NECAB1: variants seen among roughly 807,000 people sequenced by gnomAD.
NECAB1 encodes the protein N-terminal EF-hand calcium-binding protein 1.
A neutral mutation model predicts 57.5 loss-of-function variants in NECAB1; 29 were observed. The observed-to-expected ratio is 0.50, with a 90% CI of 0.38 to 0.69. NECAB1 has a LOEUF of 0.69. NECAB1 is among the 30% of genes least tolerant of loss of function. The probability of loss-of-function intolerance (pLI) is 0.00; values close to 1 mark genes in which losing one functional copy is unlikely to be tolerated. For missense variants in NECAB1, 372 were observed against 413.8 expected, an observed-to-expected ratio of 0.90 and a Z score of 0.88; for synonymous variants, 142 against 147.7, an observed-to-expected ratio of 0.96 and a Z score of 0.28.
intron 3 of NECAB1, among the ~76,000 whole-genome samples, chr8:90,860,314 C>T (rs566474206): frequency 2.7e-5 from 4 of 149,386 alleles, no homozygotes; most frequent in Admixed American, 6.7e-5. Context: ...AATGACTCAT[C>T]GCTATTCCTG....
intron 3 of NECAB1, among the ~76,000 whole-genome samples, chr8:90,853,974 G>A (rs753843188): frequency 3.9e-5 from 6 of 152,130 alleles, no homozygotes; most frequent in Admixed American, 6.5e-5. Context: ...GAAGCAGATC[G>A]TTGGTTAGGC....
chr8:90,850,909 G>A (rs913300295), intron 3 of NECAB1, among the ~76,000 whole-genome samples: 1 of 152,166 alleles, frequency 6.6e-6, no homozygotes, highest in African/African-American at 2.4e-5. Flanking sequence ...CTAATAAGGT[G>A]AGTCTTGAAG....
chr8:90,912,657 G>A (rs976330832), intron 5 of NECAB1, among the ~76,000 whole-genome samples: 1 of 151,784 alleles, frequency 6.6e-6, no homozygotes, highest in South Asian at 2.1e-4. Flanking sequence ...CCATTATTAG[G>A]ACAAGTAAGA....
intron 3 of NECAB1, chr8:90,859,201 T>G (rs1452833615): frequency 6.6e-6 from 1 of 152,152 alleles, no homozygotes. Context: ...CTGGGAGGGT[T>G]TCCAGATCTC....
chr8:90,873,525 A>G (rs1808658206), intron 4 of NECAB1, among the ~76,000 whole-genome samples: 1 of 152,216 alleles, frequency 6.6e-6, no homozygotes, highest in Admixed American at 6.5e-5. Context: ...GGAGAACACA[A>G]GATTATCTTG....
intron 5 of NECAB1, among the ~76,000 whole-genome samples, chr8:90,896,662 A>G (rs1387673393): frequency 6.6e-6 from 1 of 152,174 alleles, no homozygotes; most frequent in Admixed American, 6.5e-5. Context: ...ATACGTCAGT[A>G]TGTTCAATTC....
chr8:90,850,830 G>A (rs1282143801), intron 3 of NECAB1, among the ~76,000 whole-genome samples: 1 of 152,204 alleles, frequency 6.6e-6, no homozygotes, highest in Non-Finnish European at 1.5e-5. Context: ...AATTTCCTGA[G>A]TGTTAGGGAT....
intron 3 of NECAB1, among the ~76,000 whole-genome samples, chr8:90,844,510 T>A (rs961988987): frequency 6.6e-6 from 1 of 152,180 alleles, no homozygotes; most frequent in African/African-American, 2.4e-5. Context: ...AAGAGAGCAT[T>A]CTTTCTATCT....
At chr8:90,800,279 A>G (rs368877495) in intron 1 of NECAB1, among the ~76,000 whole-genome samples, 66 of 152,286 alleles carry the variant, frequency 4.3e-4, no homozygotes, top group African/African-American at 1.4e-3. Flanking sequence ...TTATTTTGCT[A>G]TTTGGATGCC....
chr8:90,795,708 TCACACACA>T (rs59863984), intron 1 of NECAB1, among the ~76,000 whole-genome samples: 5 of 147,758 alleles, frequency 3.4e-5, no homozygotes, highest in African/African-American at 7.4e-5. Context: ...CTCATCTCTC[TCACACACA>T]CACACACACA....
At chr8:90,932,205 G>C (rs1302537059) in intron 8 of NECAB1, among the ~76,000 whole-genome samples, 2 of 152,158 alleles carry the variant, frequency 1.3e-5, no homozygotes, top group East Asian at 1.9e-4. Flanking sequence ...GTTTCTATCT[G>C]TGGAGTACTT....
At chr8:90,837,059 T>C (rs1812380700) in intron 3 of NECAB1, among the ~76,000 whole-genome samples, 1 of 152,242 alleles carries the variant, frequency 6.6e-6, no homozygotes, top group South Asian at 2.1e-4. Context: ...CACATTTAAG[T>C]CATCATTTTT....
intron 9 of NECAB1, among the ~76,000 whole-genome samples, chr8:90,936,034 AGAT>A (rs1489733576): frequency 6.6e-6 from 1 of 152,166 alleles, no homozygotes; most frequent in African/African-American, 2.4e-5. Context: ...AGTAACAATA[AGAT>A]ATTTGTCATT....
In NECAB1 at chr8:90,917,515, G is replaced by A; in HGVS notation, c.381G>A (p.Leu127=). 1 of 1,609,548 alleles carries A rather than the reference G, an allele frequency of 6.2e-7. No individual in the cohort carries two copies. The highest frequency in any genetic ancestry group is 8.5e-7 in the Non-Finnish European group (1 of 1,177,376). ...TKKDYQEASN[L]EQFVTRFLLK... ...AGGACTACCAAGAAGCCTCCAATTT[G>A]GAACAATTCGTAACTAGATTTTTAT... The change falls in exon 6 of 13, where the codon TTG becomes TTA. Residue 127 remains leucine, a synonymous_variant. Coordinates refer to ENST00000417640, the MANE Select transcript of NECAB1 (RefSeq NM_022351.5).
chr8:90,796,149 T>C (rs1055688869), intron 1 of NECAB1, among the ~76,000 whole-genome samples: 5 of 152,210 alleles, frequency 3.3e-5, no homozygotes, highest in African/African-American at 9.7e-5. Flanking sequence ...CTTCCCCTTA[T>C]CCAGTTTCAG....
chr8:90,868,558 C>T (rs1159561164), intron 3 of NECAB1, among the ~76,000 whole-genome samples: 1 of 152,174 alleles, frequency 6.6e-6, no homozygotes, highest in Non-Finnish European at 1.5e-5. Context: ...CATTGTGCCC[C>T]TGTTCTAAGG....
chr8:90,949,469 C>T (rs557904087), intron 10 of NECAB1, among the ~76,000 whole-genome samples: 6 of 152,166 alleles, frequency 3.9e-5, no homozygotes, highest in Admixed American at 2.6e-4. Flanking sequence ...TTTTTCTGGT[C>T]CTAGCACAAC....
At chr8:90,940,609 T>C in intron 9 of NECAB1, 177 bp from the exon 10 acceptor site, 1 of 537,840 alleles carries the variant, frequency 1.9e-6, no homozygotes. Flanking sequence ...GAAAATATCT[T>C]GCCTAGATTA....
intron 12 of NECAB1, among the ~76,000 whole-genome samples, chr8:90,952,665 T>G (rs1379887191): frequency 6.6e-6 from 1 of 152,042 alleles, no homozygotes; most frequent in East Asian, 1.9e-4. Flanking sequence ...TAATCCTAGC[T>G]GCTCAGGAGG....
Sources: gnomAD v4.1 joint callset for allele counts (sites outside exome capture counted in the v4.1 genomes callset) on GRCh38, gnomAD v4.1.1 for gene constraint, MANE v1.5 for transcripts, NCBI Gene and HGNC (gene_info 2026-07-23, HGNC 2026-07-21) for gene names.